EYA3: variants seen among roughly 807,000 people sequenced by gnomAD.
The protein encoded by EYA3 is protein phosphatase EYA3.
A neutral mutation model predicts 80.0 loss-of-function variants in EYA3; 39 were observed. The observed-to-expected ratio is 0.49, with a 90% CI of 0.38 to 0.64. The LOEUF is 0.64. EYA3 is among the 30% of genes least tolerant of loss of function. The pLI, the probability that EYA3 is intolerant of heterozygous loss-of-function variation, is 0.00. For synonymous variants in EYA3, 206 were observed against 232.8 expected (o/e 0.88, Z 1.05); for missense variants, 523 against 676.1 (o/e 0.77, Z 2.51).
intron 1 of EYA3, among the ~76,000 whole-genome samples, chr1:28,073,527 T>C (rs892752736): frequency 6.6e-6 from 1 of 151,964 alleles, no homozygotes; most frequent in African/African-American, 2.4e-5. Context: ...CCTGAACTCC[T>C]GACCTCAAGT....
At chr1:27,995,032 T>C (rs1000442790) in intron 13 of EYA3, among the ~76,000 whole-genome samples, 4 of 151,932 alleles carry the variant, frequency 2.6e-5, no homozygotes, top group African/African-American at 9.7e-5. Context: ...ATTCTATATG[T>C]ATATGTATAT....
chr1:28,030,934 A>G (rs1200102294), intron 6 of EYA3, among the ~76,000 whole-genome samples: 1 of 152,166 alleles, frequency 6.6e-6, no homozygotes, highest in Non-Finnish European at 1.5e-5. Flanking sequence ...TTTCAGATTT[A>G]TTGTCATCAC....
At chr1:28,058,739 A>T (rs1226142547) in intron 1 of EYA3, among the ~76,000 whole-genome samples, 1 of 152,206 alleles carries the variant, frequency 6.6e-6, no homozygotes, top group Non-Finnish European at 1.5e-5. Context: ...TACTAACTGT[A>T]CTGCCCAATT....
chr1:28,047,431 C>G (rs1488436824), intron 3 of EYA3, among the ~76,000 whole-genome samples: 1 of 152,022 alleles, frequency 6.6e-6, no homozygotes, highest in Non-Finnish European at 1.5e-5. Context: ...CATCATATGG[C>G]TAGCATGGCA....
At chr1:27,993,300 T>A in intron 14 of EYA3, 100 bp downstream of exon 14, 1 of 1,272,754 alleles carries the variant, frequency 7.9e-7, no homozygotes, top group South Asian at 1.4e-5. Context: ...TGTGGCATAA[T>A]TTATAAGCAG....
intron 1 of EYA3, among the ~76,000 whole-genome samples, chr1:28,075,321 C>G (rs1477978895): frequency 1.3e-5 from 2 of 152,218 alleles, no homozygotes; most frequent in Non-Finnish European, 2.9e-5. Flanking sequence ...ATTATTCGAT[C>G]TAACTATTCA....
At chr1:28,034,906 A>G (rs1352574204) in intron 6 of EYA3, among the ~76,000 whole-genome samples, 1 of 152,206 alleles carries the variant, frequency 6.6e-6, no homozygotes, top group African/African-American at 2.4e-5. Flanking sequence ...ATTTACACAC[A>G]TAGAAAAATA....
Position 27,974,430 on chromosome 1 carries a change from A to C in EYA3, c.*36T>G, listed in dbSNP as rs1049035900. On this transcript the variant is annotated 3_prime_UTR_variant, in exon 18 of 18. Coordinates refer to ENST00000373871, the MANE Select transcript of EYA3 (RefSeq NM_001990.4). Reference sequence around the variant, plus strand: ...AGTCTCCAGCTCCCTTCAGGAGTGAAAAGGAGCTCAAGGGGAAGGCTCCTC... The same window carrying C: ...AGTCTCCAGCTCCCTTCAGGAGTGACAAGGAGCTCAAGGGGAAGGCTCCTC... 5.7e-6 allele frequency: 9 copies of C among 1,565,800 alleles called. No homozygotes were observed. Among genetic ancestry groups the C allele is most frequent in the African/African-American group, 1.4e-5 (1 of 73,700 alleles).
intron 11 of EYA3, among the ~76,000 whole-genome samples, chr1:28,002,176 A>G (rs550478461): frequency 3.9e-5 from 6 of 152,094 alleles, no homozygotes; most frequent in African/African-American, 1.4e-4. Flanking sequence ...CGGCCTCCCA[A>G]AGTGCTGGGA....
chr1:28,040,854 C>CGGGGGGG (rs1643734518), intron 4 of EYA3, among the ~76,000 whole-genome samples: 20 of 119,930 alleles, frequency 1.7e-4, no homozygotes, highest in South Asian at 2.5e-4. Context: ...GGCGGAGGGG[C>CGGGGGGG]AGGGGGGGGT....
At chr1:28,083,456 G>A (rs1028791127) in intron 1 of EYA3, among the ~76,000 whole-genome samples, 14 of 152,152 alleles carry the variant, frequency 9.2e-5, no homozygotes, top group Non-Finnish European at 1.8e-4. Flanking sequence ...GGAGGCAGAG[G>A]TTGCAGTGAC....
At position 27,978,407 on chromosome 1, in the gene EYA3, T is replaced by C. The variant is rs1253070399; in HGVS notation, c.1608A>G (p.Gly536=). The part of the protein sequence containing the change: ...FGKKVTYVVI[G]DGRDEEIAAK... ...CTGCAATTTCTTCATCTCGTCCATCTCCAATCACTACATATGTGACTTTCT... is the reference window on the plus strand; with the variant it reads ...CTGCAATTTCTTCATCTCGTCCATCCCCAATCACTACATATGTGACTTTCT... Residue 536 remains glycine, a synonymous_variant, in exon 17 of 18, where the codon GGA becomes GGG. Transcript: ENST00000373871. 1 of 1,614,172 alleles carries C rather than the reference T, an allele frequency of 6.2e-7. No homozygotes were observed. Among genetic ancestry groups the C allele is most frequent in the Admixed American group, 1.7e-5 (1 of 60,026 alleles).
At chr1:27,983,547 GAC>G (rs1482579185) in intron 16 of EYA3, among the ~76,000 whole-genome samples, 1 of 152,172 alleles carries the variant, frequency 6.6e-6, no homozygotes, top group Non-Finnish European at 1.5e-5. Context: ...TATATTTACT[GAC>G]AGTTTTGTTT....
chr1:27,986,294 G>A (rs1467017952), intron 16 of EYA3, among the ~76,000 whole-genome samples: 1 of 151,912 alleles, frequency 6.6e-6, no homozygotes, highest in Non-Finnish European at 1.5e-5. Flanking sequence ...GAACCTGGGA[G>A]GCAGAAGTTG....
intron 7 of EYA3, 127 bp downstream of exon 7, chr1:28,027,662 C>A (rs144344767): frequency 6.7e-5 from 81 of 1,203,632 alleles, no homozygotes; most frequent in Non-Finnish European, 8.2e-5. Flanking sequence ...CCAAGTATCA[C>A]CCCCTTTCTA....
At chr1:28,033,666 A>T (rs141903187) in intron 6 of EYA3, among the ~76,000 whole-genome samples, 45,233 of 143,764 alleles carry the variant, frequency 0.31, 7,272 homozygotes, top group East Asian at 0.5. Flanking sequence ...TATTATTATT[A>T]TTATTTTTGA....
chr1:28,062,200 C>CT (rs759958529), intron 1 of EYA3, among the ~76,000 whole-genome samples: 38 of 151,994 alleles, frequency 2.5e-4, no homozygotes, highest in Non-Finnish European at 2.5e-4. Flanking sequence ...GTTTTATCAC[C>CT]TTTTTTGGAA....
intron 3 of EYA3, among the ~76,000 whole-genome samples, chr1:28,046,647 AG>A (rs1302891218): frequency 6.6e-6 from 1 of 152,182 alleles, no homozygotes; most frequent in Non-Finnish European, 1.5e-5. Context: ...AATAGAAACT[AG>A]GAACAGTTAG....
intron 12 of EYA3, among the ~76,000 whole-genome samples, chr1:27,998,958 G>A (rs554285855): frequency 6.6e-5 from 10 of 152,020 alleles, no homozygotes; most frequent in Non-Finnish European, 1.0e-4. Context: ...TGGTAGAGAC[G>A]GGGTTTCACC....
Sources: gnomAD v4.1 joint callset for allele counts (sites outside exome capture counted in the v4.1 genomes callset) on GRCh38, gnomAD v4.1.1 for gene constraint, MANE v1.5 for transcripts, NCBI Gene and HGNC (gene_info 2026-07-23, HGNC 2026-07-21) for gene names.